The following FAM200B variants were observed in gnomAD, a reference collection of about 807,000 sequenced individuals.
FAM200B encodes zinc finger BED-type containing 11.
In FAM200B, 32 loss-of-function variants were observed where a neutral mutation model predicts 33.1. That is an observed-to-expected ratio of 0.97 (90% CI 0.73 to 1.30). The LOEUF is 1.30. FAM200B is among the 50% of genes most tolerant of loss of function. The pLI is 0.00. For synonymous variants in FAM200B, 240 were observed against 264.8 expected, an observed-to-expected ratio of 0.91 and a Z score of 0.91; for missense variants, 741 against 754.0, an observed-to-expected ratio of 0.98 and a Z score of 0.20.
chr4:15,673,756 C>T, the FAM200B span, among the ~76,000 whole-genome samples: 2 of 152,186 alleles, frequency 1.3e-5, no homozygotes, highest in African/African-American at 4.8e-5. Flanking sequence ...CTATGCAGCT[C>T]TCTCCCTTCT....
At chr4:15,648,649 T>C in the FAM200B span, among the ~76,000 whole-genome samples, 3 of 152,180 alleles carry the variant, frequency 2.0e-5, no homozygotes, top group Non-Finnish European at 4.4e-5. Context: ...TCTCACTATA[T>C]ATGGAATCTA....
At chr4:15,685,661 A>G (rs1272502079) in intron 1 of FAM200B, among the ~76,000 whole-genome samples, 11 of 152,192 alleles carry the variant, frequency 7.2e-5, no homozygotes, top group Admixed American at 7.2e-4. Flanking sequence ...TAACAATACA[A>G]AAATAAGAAA....
chr4:15,687,606 A>G lies in FAM200B; in HGVS notation c.629A>G (p.His210Arg), dbSNP rs1056913619. Residue 210 changes from histidine (H) to arginine (R), a missense_variant, in exon 2 of 2, where the codon CAT (histidine) becomes CGT (arginine). Coordinates refer to ENST00000422728, the MANE Select transcript of FAM200B (RefSeq NM_001145191.2). ...VSLRICTIAE[H>R]LETMLITRLQ... Reference sequence around the variant, plus strand: ...CTTCGAATTTGTACTATTGCAGAACATTTAGAAACAATGCTTATTACTCGT... The same window carrying G: ...CTTCGAATTTGTACTATTGCAGAACGTTTAGAAACAATGCTTATTACTCGT... 12 of 1,550,972 alleles carry G rather than the reference A, an allele frequency of 7.7e-6. No individual in the cohort carries two copies. The African/African-American group carries it at 1.2e-4, about 16-fold the overall frequency.
At chr4:15,647,068 C>A in the FAM200B span, among the ~76,000 whole-genome samples, 1 of 151,044 alleles carries the variant, frequency 6.6e-6, no homozygotes, top group Non-Finnish European at 1.5e-5. Context: ...ACTAAAAACA[C>A]AAAAATTAGC....
At chr4:15,684,348 A>G (rs1483557412) in intron 1 of FAM200B, among the ~76,000 whole-genome samples, 4 of 152,226 alleles carry the variant, frequency 2.6e-5, no homozygotes, top group African/African-American at 9.6e-5. Context: ...CTTCTCCCCT[A>G]AAATTCCTCT....
chr4:15,640,491 C>A, the FAM200B span, among the ~76,000 whole-genome samples: 1 of 147,314 alleles, frequency 6.8e-6, no homozygotes, highest in African/African-American at 2.5e-5. Flanking sequence ...TCTGAAAAGA[C>A]ATTAGGGTAG....
rs1271877975 is a variant in FAM200B, at chr4:15,689,832, A to G, written c.*881A>G. ...ACCTTTTCTAACCACCCTAGGGTAA[A>G]TCCTCCATTATTCCTTTATTTCTTT... On this transcript the variant is annotated 3_prime_UTR_variant, in exon 2 of 2. Coordinates refer to ENST00000422728, the MANE Select transcript of FAM200B (RefSeq NM_001145191.2). The G allele has an allele frequency of 6.0e-6, 1 of 166,946 alleles. No homozygotes were observed. Among genetic ancestry groups the G allele is most frequent in the Non-Finnish European group, 1.5e-5 (1 of 68,096 alleles). 10.3% of individuals were successfully genotyped at this position (166,946 alleles called of 1,614,324 possible). A position where few individuals can be genotyped will look rare whatever the true frequency, so the allele number is the denominator to read the frequency against.
chr4:15,641,981 T>A, the FAM200B span, among the ~76,000 whole-genome samples: 1 of 151,632 alleles, frequency 6.6e-6, no homozygotes. Flanking sequence ...TGAGCCGAGA[T>A]TGCACCACTG....
At chr4:15,666,534 A>G in the FAM200B span, among the ~76,000 whole-genome samples, 5 of 150,788 alleles carry the variant, frequency 3.3e-5, no homozygotes, top group Non-Finnish European at 1.5e-5. Context: ...TGATCAAAGC[A>G]TGCAAAGTGT....
At position 15,688,178 on chromosome 4, in the gene FAM200B, C is replaced by T; in HGVS notation, c.1201C>T (p.Leu401Phe). ...GAAAATACTAAGCAGGGTTTATGAG[C>T]TCAGGAATGAGATTCACTTTTTTCT... ...QGKILSRVYE[L>F]RNEIHFFLIE... Residue 401 changes from leucine (L) to phenylalanine (F), a missense_variant, in exon 2 of 2, where the codon CTC becomes TTC. Transcript: ENST00000422728. 2 of 1,551,028 alleles carry T rather than the reference C, an allele frequency of 1.3e-6. No individual in the cohort carries two copies. The highest frequency in any genetic ancestry group is 2.4e-5 in the South Asian group (2 of 84,040).
At chr4:15,662,420 G>C in the FAM200B span, among the ~76,000 whole-genome samples, 1 of 152,148 alleles carries the variant, frequency 6.6e-6, no homozygotes, top group Non-Finnish European at 1.5e-5. Flanking sequence ...TCATAGTGTT[G>C]TTGTAAAGAT....
At chr4:15,656,630 C>G in the FAM200B span, among the ~76,000 whole-genome samples, 1 of 152,166 alleles carries the variant, frequency 6.6e-6, no homozygotes, top group East Asian at 1.9e-4. Flanking sequence ...AGTGGTTAAA[C>G]CACAGACTCT....
At chr4:15,649,916 C>T in the FAM200B span, among the ~76,000 whole-genome samples, 2 of 152,136 alleles carry the variant, frequency 1.3e-5, no homozygotes, top group Non-Finnish European at 2.9e-5. Flanking sequence ...GAGACCAAGT[C>T]CCTAAAACTC....
chr4:15,673,933 T>G, the FAM200B span, among the ~76,000 whole-genome samples: 1 of 152,254 alleles, frequency 6.6e-6, no homozygotes, highest in African/African-American at 2.4e-5. Context: ...TGATCAAGGT[T>G]CACTGTCCTT....
chr4:15,655,150 C>A, the FAM200B span: 6 of 1,307,732 alleles, frequency 4.6e-6, no homozygotes, highest in Non-Finnish European at 6.0e-6. Context: ...GAACCCAGCC[C>A]GCTCCCCATC....
chr4:15,643,571 A>G, the FAM200B span, among the ~76,000 whole-genome samples: 1 of 20,482 alleles, frequency 4.9e-5, no homozygotes, highest in East Asian at 1.1e-3. Flanking sequence ...ATGTCTGGCT[A>G]AATTTTTATA....
In FAM200B at chr4:15,688,890, C is replaced by T; in HGVS notation, c.1913C>T (p.Ala638Val). 1.3e-6 allele frequency: 2 copies of T among 1,549,092 alleles called. No individual in the cohort carries two copies. The highest frequency in any genetic ancestry group is 1.7e-6 in the Non-Finnish European group (2 of 1,145,590). ...AATTGTGCAGCAGTTATGCGGGTAG[C>T]ATTATCTTCCTGTGTTCCAGACTGG... ...GLNCAAVMRVALSSCVPDWNE... is the reference protein window; with the variant it reads ...GLNCAAVMRVVLSSCVPDWNE... The change falls in exon 2 of 2, where the codon GCA becomes GTA. Residue 638 changes from alanine to valine, a missense_variant. Coordinates refer to ENST00000422728, the MANE Select transcript of FAM200B (RefSeq NM_001145191.2).
chr4:15,678,664 T>G (rs1718083224), upstream of FAM200B, among the ~76,000 whole-genome samples: 1 of 152,202 alleles, frequency 6.6e-6, no homozygotes, highest in African/African-American at 2.4e-5. Context: ...TTAAGTATAT[T>G]TACCTAAAAT....
chr4:15,649,346 G>A, the FAM200B span, among the ~76,000 whole-genome samples: 1 of 152,004 alleles, frequency 6.6e-6, no homozygotes, highest in East Asian at 1.9e-4. Context: ...TTGGGAGGCC[G>A]AGGCAGGCGG....
Sources: gnomAD v4.1 joint callset for allele counts (sites outside exome capture counted in the v4.1 genomes callset) on GRCh38, gnomAD v4.1.1 for gene constraint, MANE v1.5 for transcripts, NCBI Gene and HGNC (gene_info 2026-07-23, HGNC 2026-07-21) for gene names.